The following DIP2C variants were observed in gnomAD, a reference collection of about 807,000 sequenced individuals.
The protein encoded by DIP2C is disco-interacting protein 2 homolog C.
A neutral mutation model predicts 192.4 loss-of-function variants in DIP2C; 33 were observed. The observed-to-expected ratio is 0.17, with a 90% CI of 0.13 to 0.23. The LOEUF (loss-of-function observed/expected upper bound fraction) is 0.23, where lower values mean the gene tolerates loss of function less well. DIP2C is among the 10% of genes least tolerant of loss of function. DIP2C has a pLI of 1.00. For synonymous variants in DIP2C, 979 were observed against 864.1 expected, an observed-to-expected ratio of 1.13 and a Z score of -2.33; for missense variants, 1,537 against 2,110.1, an observed-to-expected ratio of 0.73 and a Z score of 5.32.
At chr10:393,837 A>C (rs990238307) in intron 10 of DIP2C, among the ~76,000 whole-genome samples, 1 of 151,344 alleles carries the variant, frequency 6.6e-6, no homozygotes, top group Non-Finnish European at 1.5e-5. Context: ...AAAAAAAAAA[A>C]AAACAACCCA....
At chr10:573,763 C>T (rs972358893) in intron 1 of DIP2C, among the ~76,000 whole-genome samples, 4 of 151,398 alleles carry the variant, frequency 2.6e-5, no homozygotes, top group Admixed American at 2.6e-4. Flanking sequence ...CTTGTAGGTA[C>T]TTAAAAAAAA....
chr10:525,649 G>C (rs1276393681), intron 1 of DIP2C, among the ~76,000 whole-genome samples: 4 of 152,192 alleles, frequency 2.6e-5, no homozygotes, highest in African/African-American at 7.2e-5. Flanking sequence ...ACTGAGGACA[G>C]GGAGAGAACA....
intron 32 of DIP2C, among the ~76,000 whole-genome samples, chr10:295,482 A>C (rs1589411150): frequency 6.7e-6 from 1 of 148,284 alleles, no homozygotes; most frequent in African/African-American, 2.5e-5. Flanking sequence ...AATGGCATGA[A>C]CCCGGGAGGC....
At chr10:307,592 G>T (rs11251599) in intron 32 of DIP2C, among the ~76,000 whole-genome samples, 1 of 151,930 alleles carries the variant, frequency 6.6e-6, no homozygotes, top group Non-Finnish European at 1.5e-5. Context: ...TCTCTGCAGT[G>T]GGGGGGTAAG....
At chr10:534,702 C>T (rs1847598057) in intron 1 of DIP2C, among the ~76,000 whole-genome samples, 2 of 148,432 alleles carry the variant, frequency 1.3e-5, no homozygotes, top group East Asian at 2.0e-4. Flanking sequence ...CGGAGTCTCG[C>T]TCTGTCGCCC....
intron 32 of DIP2C, among the ~76,000 whole-genome samples, chr10:296,251 T>C (rs1239944141): frequency 6.6e-6 from 1 of 152,238 alleles, no homozygotes; most frequent in African/African-American, 2.4e-5. Context: ...TTTATGGTTT[T>C]AGGTCTAACA....
At chr10:575,546 G>A (rs983159069) in intron 1 of DIP2C, among the ~76,000 whole-genome samples, 1 of 152,192 alleles carries the variant, frequency 6.6e-6, no homozygotes, top group African/African-American at 2.4e-5. Context: ...AAGTCGCAAA[G>A]GGGCTTCTCC....
At chr10:382,352 T>C (rs1263962389) in intron 17 of DIP2C, among the ~76,000 whole-genome samples, 1 of 152,174 alleles carries the variant, frequency 6.6e-6, no homozygotes, top group Admixed American at 6.5e-5. Context: ...CACATGGAAA[T>C]TGGAGTAAAT....
chr10:612,106 C>T (rs938318577), intron 1 of DIP2C, among the ~76,000 whole-genome samples: 13 of 152,082 alleles, frequency 8.5e-5, no homozygotes, highest in African/African-American at 3.1e-4. Context: ...GACAGCCTGG[C>T]CAACATGTTG....
chr10:619,526 C>T (rs1476585437), intron 1 of DIP2C, among the ~76,000 whole-genome samples: 2 of 53,236 alleles, frequency 3.8e-5, no homozygotes, highest in East Asian at 1.1e-3. Flanking sequence ...GGGCCAGGAC[C>T]AAGCCCGCCC....
rs146025862 is a variant in DIP2C at position 543,539 on chromosome 10, G to A, written c.86-57009C>T. ...TTACATGTCCGTTTTCCCTGAATAC[G>A]GTTGTTACGTGAGATAGAAATCAGT... On this transcript the variant is annotated intron_variant, in intron 1 of 36. Transcript: ENST00000280886. Among the ~76,000 whole-genome samples the A allele has an allele frequency of 3.0e-4, 46 of 152,306 alleles. No individual in the cohort carries two copies. In the South Asian group the frequency reaches 5.0e-3, roughly 16 times the overall value.
In DIP2C at chr10:283,432, A is replaced by G. The variant is rs1466300051; in HGVS notation, c.4134T>C (p.Ser1378=). 8 of 1,614,168 alleles carry G rather than the reference A, an allele frequency of 5.0e-6. No individual in the cohort carries two copies. The highest frequency in any genetic ancestry group is 6.8e-6 in the Non-Finnish European group (8 of 1,180,034). The change falls in exon 35 of 37, where the codon AGT becomes AGC. Residue 1378 remains serine, a synonymous_variant. Transcript: ENST00000280886. ...DSHLGEIWVH[S]AHNASGYFTI... ...TGAAATAACCGCTGGCATTGTGGGC[A>G]CTGTGAACCCAAATCTGCAAACGGA... is the stretch of plus-strand genomic sequence containing the variant.
chr10:288,519 A>G, intron 32 of DIP2C, 98 bp from the exon 33 acceptor site: 1 of 1,296,816 alleles, frequency 7.7e-7, no homozygotes, highest in Non-Finnish European at 1.1e-6. Context: ...GCTGTCCGGG[A>G]AAGCTGATTC....
intron 1 of DIP2C, among the ~76,000 whole-genome samples, chr10:568,052 G>C (rs1041189224): frequency 6.6e-6 from 1 of 152,148 alleles, no homozygotes. Context: ...CTGCATCCCC[G>C]CAGTTCTCTG....
At position 689,404 on chromosome 10, in the gene DIP2C, C is replaced by T; in HGVS notation, c.85+90G>A. Reference sequence around the variant, plus strand: ...CACCTCCCCCTCCGGGCCCGGCCCCCGCCCCGCCGCAGGCCCCGCGCCCCC... The same window carrying T: ...CACCTCCCCCTCCGGGCCCGGCCCCTGCCCCGCCGCAGGCCCCGCGCCCCC... On this transcript the variant is annotated intron_variant, in intron 1 of 36. Transcript: ENST00000280886. This position sits in a 1 kb window ranked among gnomAD's most constrained non-coding sequence, Gnocchi z 6.1. The T allele has an allele frequency of 1.3e-6, 1 of 786,256 alleles. No individual in the cohort carries two copies. Among genetic ancestry groups the T allele is most frequent in the Non-Finnish European group, 1.6e-6 (1 of 644,790 alleles). 48.7% of individuals were successfully genotyped at this position (786,256 alleles called of 1,614,324 possible).
intron 1 of DIP2C, among the ~76,000 whole-genome samples, chr10:612,463 GCA>G (rs200568069): frequency 1.9e-3 from 289 of 152,328 alleles, no homozygotes; most frequent in African/African-American, 6.0e-3. Flanking sequence ...AGGAGAAAAA[GCA>G]CAGTTAAGGA....
intron 3 of DIP2C, 81 bp downstream of exon 3, chr10:472,358 C>T (rs1970699553): frequency 2.9e-6 from 4 of 1,356,698 alleles, no homozygotes; most frequent in Non-Finnish European, 4.2e-6. Flanking sequence ...TGCACTTCTG[C>T]CTCGCCCAGT....
At chr10:286,840 G>A (rs1023195556) in intron 33 of DIP2C, among the ~76,000 whole-genome samples, 1 of 152,170 alleles carries the variant, frequency 6.6e-6, no homozygotes, top group Admixed American at 6.5e-5. Context: ...AAGGAAGGGA[G>A]TCACATAGTG....
At chr10:390,673 G>T in intron 11 of DIP2C, 67 bp downstream of exon 11, 1 of 1,566,828 alleles carries the variant, frequency 6.4e-7, no homozygotes, top group Non-Finnish European at 8.6e-7. Context: ...GCGGGGTGAC[G>T]TATTCCCGCA....
Sources: allele counts gnomAD v4.1 joint callset (sites outside exome capture counted in the v4.1 genomes callset), GRCh38; gene constraint gnomAD v4.1.1; non-coding constraint Gnocchi (gnomAD v3.1); transcripts MANE v1.5; gene names NCBI Gene and HGNC (gene_info 2026-07-23, HGNC 2026-07-21).